SIPA1L1: variants seen among roughly 807,000 people sequenced by gnomAD.
The protein encoded by SIPA1L1 is signal-induced proliferation-associated 1-like protein 1.
SIPA1L1 carries 26 observed loss-of-function variants against 162.7 expected under a neutral mutation model. The ratio of observed to expected loss-of-function variants is 0.16; its 90% CI spans 0.12 to 0.22. The LOEUF (loss-of-function observed/expected upper bound fraction) is 0.22. Among genes scored for constraint, SIPA1L1 ranks in the 10% least tolerant of loss-of-function variants. SIPA1L1 has a pLI of 1.00. For missense variants in SIPA1L1, 1,874 were observed against 2,241.0 expected (o/e 0.84, Z 3.31); for synonymous variants, 829 against 837.4 (o/e 0.99, Z 0.17).
chr14:71,692,388 A>T (rs1033066104), intron 13 of SIPA1L1, among the ~76,000 whole-genome samples: 1 of 152,210 alleles, frequency 6.6e-6, no homozygotes, highest in Non-Finnish European at 1.5e-5. Context: ...ACTCCTTCAA[A>T]AGGTTTTAGT....
intron 4 of SIPA1L1, among the ~76,000 whole-genome samples, chr14:71,536,721 C>G (rs2053937771): frequency 6.6e-6 from 1 of 152,176 alleles, no homozygotes; most frequent in East Asian, 1.9e-4. Context: ...CAGTTGCAGT[C>G]CCTTCCATTG....
intron 6 of SIPA1L1, among the ~76,000 whole-genome samples, chr14:71,621,280 T>G (rs1387455786): frequency 6.6e-6 from 1 of 152,176 alleles, no homozygotes; most frequent in Non-Finnish European, 1.5e-5. Flanking sequence ...CCTTGAAAGC[T>G]TCCTCATCTC....
rs1259037211 is a variant in SIPA1L1, at chr14:71,685,389, A to G, written c.3132A>G (p.Pro1044=). The G allele has an allele frequency of 1.9e-6, 3 of 1,614,178 alleles. No individual in the cohort carries two copies. The highest frequency in any genetic ancestry group is 1.7e-5 in the Admixed American group (1 of 60,020). The part of the protein sequence containing the change: ...RRSCSETYRM[P]VMEYKMNEGV... ...GTTGCTCTGAAACCTACCGCATGCC[A>G]GTGATGGAGTACAAAATGAATGAAG... Residue 1044 remains proline, a synonymous_variant, in exon 13 of 24, where the codon CCA becomes CCG. Coordinates refer to ENST00000381232, the MANE Select transcript of SIPA1L1 (RefSeq NM_001386936.1).
chr14:71,709,628 G>A lies in SIPA1L1; in HGVS notation c.4172G>A (p.Ser1391Asn). ...TCGACCCCTCTGACAAGGGAGAACA[G>A]CACCTTCAGTATAAACGATGCTGCT... ...AGSTPLTREN[S>N]TFSINDAASH... The change falls in exon 17 of 24, where the codon AGC (serine) becomes AAC (asparagine). Residue 1391 changes from serine to asparagine, a missense_variant. By Grantham distance (46) the Ser-to-Asn change is conservative. Around this residue, in one of 5 missense-constraint regions of SIPA1L1, gnomAD observed 936 missense variants for 1,051.9 expected, o/e 0.89. Coordinates refer to ENST00000381232, the MANE Select transcript of SIPA1L1 (RefSeq NM_001386936.1). The A allele has an allele frequency of 6.2e-7, 1 of 1,614,096 alleles. No homozygotes were observed. Among genetic ancestry groups the A allele is most frequent in the Non-Finnish European group, 8.5e-7 (1 of 1,179,972 alleles).
At chr14:71,471,801 G>A (rs1008385487) in intron 2 of SIPA1L1, among the ~76,000 whole-genome samples, 8 of 152,160 alleles carry the variant, frequency 5.3e-5, no homozygotes, top group Non-Finnish European at 8.8e-5. Context: ...GTTATCTAGA[G>A]TTTTACATTT....
At chr14:71,409,622 G>A (rs2042266495) in intron 2 of SIPA1L1, among the ~76,000 whole-genome samples, 1 of 152,172 alleles carries the variant, frequency 6.6e-6, no homozygotes, top group African/African-American at 2.4e-5. Context: ...AATCTGGTCT[G>A]TAAAGTAGAT....
At chr14:71,631,357 C>T (rs1400018963) in intron 7 of SIPA1L1, among the ~76,000 whole-genome samples, 3 of 152,156 alleles carry the variant, frequency 2.0e-5, no homozygotes, top group African/African-American at 7.2e-5. Context: ...TTTACTACTG[C>T]ATAGTAGCAT....
At chr14:71,427,385 A>T (rs1432061259) in intron 2 of SIPA1L1, among the ~76,000 whole-genome samples, 4 of 152,302 alleles carry the variant, frequency 2.6e-5, no homozygotes, top group Middle Eastern at 6.8e-3. Flanking sequence ...AAAGTTTCTG[A>T]TGAGAAAACT....
At chr14:71,550,028 G>GAGA (rs2055648792) in intron 4 of SIPA1L1, among the ~76,000 whole-genome samples, 1 of 101,586 alleles carries the variant, frequency 9.8e-6, no homozygotes, top group Non-Finnish European at 2.1e-5. Flanking sequence ...GGAGGCTGAG[G>GAGA]TAGGAGAATC....
chr14:71,707,977 T>A (rs2082577805), intron 16 of SIPA1L1, among the ~76,000 whole-genome samples: 1 of 151,252 alleles, frequency 6.6e-6, no homozygotes, highest in Non-Finnish European at 1.5e-5. Context: ...TGGTATTGAA[T>A]ATCTTTTGAT....
chr14:71,532,606 T>C (rs994547384), intron 4 of SIPA1L1, among the ~76,000 whole-genome samples: 2 of 152,212 alleles, frequency 1.3e-5, no homozygotes, highest in African/African-American at 4.8e-5. Flanking sequence ...AAAGCAATAC[T>C]ACATGAATCA....
intron 13 of SIPA1L1, among the ~76,000 whole-genome samples, chr14:71,690,526 G>A (rs529229082): frequency 1.3e-5 from 2 of 152,276 alleles, no homozygotes; most frequent in African/African-American, 4.8e-5. Context: ...GGGATCACAG[G>A]TGAGAGCCAC....
In SIPA1L1 at chr14:71,733,732, A is replaced by G; in HGVS notation, c.4928A>G (p.Asp1643Gly). Residue 1643 changes from aspartate to glycine, a missense_variant, in exon 21 of 24, where the codon GAC (aspartate) becomes GGC (glycine). Physicochemically the swap from Asp to Gly is moderately conservative, Grantham distance 94 (BLOSUM62 -1). Around this residue, in one of 5 missense-constraint regions of SIPA1L1, gnomAD observed 936 missense variants for 1,051.9 expected, o/e 0.89. Transcript: ENST00000381232. ...GAGACCCGCAGGCAGCCTATGCCCG[A>G]CCCTGGCCTGATGCCCCTGCCTGAC... ...IQETRRQPMPDPGLMPLPDTA... is the reference protein window; with the variant it reads ...IQETRRQPMPGPGLMPLPDTA... The G allele has an allele frequency of 6.2e-7, 1 of 1,613,778 alleles. No homozygotes were observed. Among genetic ancestry groups the G allele is most frequent in the Non-Finnish European group, 8.5e-7 (1 of 1,179,984 alleles).
chr14:71,498,590 C>A (rs905046348), intron 2 of SIPA1L1, among the ~76,000 whole-genome samples: 3 of 152,172 alleles, frequency 2.0e-5, no homozygotes, highest in Non-Finnish European at 4.4e-5. Flanking sequence ...GAGTGTGAAT[C>A]TGTGTGTGCA....
chr14:71,698,727 A>G (rs1386986114), intron 13 of SIPA1L1, among the ~76,000 whole-genome samples: 1 of 152,188 alleles, frequency 6.6e-6, no homozygotes, highest in Non-Finnish European at 1.5e-5. Context: ...TTGGAAGCAT[A>G]CATGTTTTCT....
At chr14:71,738,593 T>C (rs1198381651) in intron 23 of SIPA1L1, among the ~76,000 whole-genome samples, 1 of 152,182 alleles carries the variant, frequency 6.6e-6, no homozygotes, top group Non-Finnish European at 1.5e-5. Flanking sequence ...GCCTCCCCAC[T>C]CCTTGTGTAA....
intron 4 of SIPA1L1, among the ~76,000 whole-genome samples, chr14:71,538,509 C>T (rs1229676918): frequency 2.6e-5 from 4 of 152,186 alleles, no homozygotes; most frequent in Non-Finnish European, 1.5e-5. Flanking sequence ...GAGTGTGTCT[C>T]TTCTGCCTTC....
intron 5 of SIPA1L1, among the ~76,000 whole-genome samples, chr14:71,595,898 G>T (rs2035971405): frequency 1.3e-5 from 2 of 152,116 alleles, no homozygotes; most frequent in Non-Finnish European, 2.9e-5. Context: ...AATTCTTTAT[G>T]TAACTTCAGG....
chr14:71,366,514 A>C lies in SIPA1L1; in HGVS notation c.-465+45333A>C, dbSNP rs548685760. Among the ~76,000 whole-genome samples the C allele has an allele frequency of 5.9e-4, 90 of 152,086 alleles. 1 individual carries two copies. The South Asian group carries it at 0.015, about 25-fold the overall frequency. Reference sequence around the variant, plus strand: ...TGCAGTGGCGTGATCTCTCACTGCAAACTCCGTCTCCTGGGTTCACACCAT... The same window carrying C: ...TGCAGTGGCGTGATCTCTCACTGCACACTCCGTCTCCTGGGTTCACACCAT... On this transcript the variant is annotated intron_variant, in intron 2 of 23. Transcript: ENST00000381232.
Sources: allele counts gnomAD v4.1 joint callset (sites outside exome capture counted in the v4.1 genomes callset), GRCh38; gene constraint gnomAD v4.1.1; regional missense constraint gnomAD v4.1.1; transcripts MANE v1.5; gene names NCBI Gene and HGNC (gene_info 2026-07-23, HGNC 2026-07-21).